The following MPPED2 variants were observed in gnomAD, a reference collection of about 807,000 sequenced individuals.
MPPED2 encodes the protein metallophosphoesterase domain containing 2.
In MPPED2, 5 loss-of-function variants were observed where a neutral mutation model predicts 33.0. The ratio of observed to expected loss-of-function variants is 0.15; its 90% CI spans 0.08 to 0.32. The LOEUF is 0.32. Ranked by LOEUF, MPPED2 falls within the 10% of genes least tolerant of loss-of-function variation. MPPED2 has a pLI of 1.00. For missense variants in MPPED2, 275 were observed against 372.1 expected (o/e 0.74, Z 2.15); for synonymous variants, 136 against 141.9 (o/e 0.96, Z 0.29).
intron 6 of MPPED2, among the ~76,000 whole-genome samples, chr11:30,392,132 CT>C: frequency 6.6e-6 from 1 of 152,340 alleles, no homozygotes; most frequent in East Asian, 1.9e-4. Flanking sequence ...TAACTTCCCA[CT>C]TGAGTTCAAA....
At chr11:30,434,061 C>T (rs972514507) in intron 4 of MPPED2, among the ~76,000 whole-genome samples, 9 of 152,142 alleles carry the variant, frequency 5.9e-5, no homozygotes, top group Non-Finnish European at 1.0e-4. Context: ...TCCAGCCTCC[C>T]GGTTGTGGGG....
intron 4 of MPPED2, among the ~76,000 whole-genome samples, chr11:30,494,373 A>C (rs1448296127): frequency 6.6e-6 from 1 of 152,148 alleles, no homozygotes; most frequent in Non-Finnish European, 1.5e-5. Flanking sequence ...CCAGTAACAT[A>C]AACATATACA....
intron 4 of MPPED2, among the ~76,000 whole-genome samples, chr11:30,472,142 C>T (rs1434136300): frequency 6.6e-6 from 1 of 152,116 alleles, no homozygotes; most frequent in Non-Finnish European, 1.5e-5. Context: ...GGCTGGAGGA[C>T]AGTTTCAGTC....
intron 2 of MPPED2, among the ~76,000 whole-genome samples, chr11:30,536,824 T>C (rs1475206134): frequency 6.6e-6 from 1 of 152,108 alleles, no homozygotes; most frequent in Non-Finnish European, 1.5e-5. Flanking sequence ...AAAAGAACTT[T>C]GTCAAACTCG....
intron 2 of MPPED2, among the ~76,000 whole-genome samples, chr11:30,541,332 A>G (rs1230474565): frequency 6.6e-6 from 1 of 152,162 alleles, no homozygotes; most frequent in East Asian, 1.9e-4. Flanking sequence ...GGCCATATTT[A>G]TTATTGTTTT....
intron 2 of MPPED2, among the ~76,000 whole-genome samples, chr11:30,571,476 C>T (rs1336836331): frequency 6.6e-6 from 1 of 151,712 alleles, no homozygotes; most frequent in South Asian, 2.1e-4. Flanking sequence ...GTACCTTTTA[C>T]ATTAAATAAC....
intron 4 of MPPED2, among the ~76,000 whole-genome samples, chr11:30,435,085 C>T (rs16920663): frequency 0.037 from 5,660 of 152,224 alleles, 353 homozygotes; most frequent in African/African-American, 0.13. Context: ...GCATAGTTTG[C>T]GAGTGCATTC....
chr11:30,417,305 A>C (rs1311678533), intron 5 of MPPED2, among the ~76,000 whole-genome samples: 1 of 152,192 alleles, frequency 6.6e-6, no homozygotes, highest in Non-Finnish European at 1.5e-5. Context: ...GACTTGACTA[A>C]ATCAAAAAAT....
At chr11:30,434,105 T>G (rs971800952) in intron 4 of MPPED2, among the ~76,000 whole-genome samples, 2 of 152,174 alleles carry the variant, frequency 1.3e-5, no homozygotes, top group Non-Finnish European at 2.9e-5. Context: ...TCTCCACTAA[T>G]CCAAGATAAT....
intron 2 of MPPED2, among the ~76,000 whole-genome samples, chr11:30,564,415 C>T (rs1956356921): frequency 6.6e-6 from 1 of 152,166 alleles, no homozygotes; most frequent in Non-Finnish European, 1.5e-5. Context: ...AGGTACTATA[C>T]TTAAAGCAGT....
At chr11:30,467,612 G>A (rs1298369451) in intron 4 of MPPED2, among the ~76,000 whole-genome samples, 7 of 152,050 alleles carry the variant, frequency 4.6e-5, no homozygotes, top group East Asian at 1.9e-4. Context: ...AGCCAAGGTC[G>A]AGTGAACCCC....
At chr11:30,491,016 C>CA (rs1427837593) in intron 4 of MPPED2, among the ~76,000 whole-genome samples, 1 of 152,062 alleles carries the variant, frequency 6.6e-6, no homozygotes, top group Non-Finnish European at 1.5e-5. Context: ...ATACTTCCTC[C>CA]AAAAAAGTCA....
intron 4 of MPPED2, among the ~76,000 whole-genome samples, chr11:30,452,390 C>G (rs932121731): frequency 1.3e-5 from 2 of 152,224 alleles, no homozygotes; most frequent in Non-Finnish European, 2.9e-5. Context: ...CCTGTGGCAC[C>G]CATACCTTCT....
intron 4 of MPPED2, among the ~76,000 whole-genome samples, chr11:30,474,714 G>C (rs1951102125): frequency 6.6e-6 from 1 of 151,818 alleles, no homozygotes; most frequent in South Asian, 2.1e-4. Flanking sequence ...CCAATAATAA[G>C]AAATAAGAAG....
chr11:30,447,869 C>A (rs2133933074), intron 4 of MPPED2, among the ~76,000 whole-genome samples: 1 of 152,250 alleles, frequency 6.6e-6, no homozygotes, highest in Non-Finnish European at 1.5e-5. Flanking sequence ...GTCACCCTAC[C>A]ATCCAGTACT....
chr11:30,386,775 A>G (rs535415362), exon 7 of MPPED2: 13 of 398,458 alleles, frequency 3.3e-5, no homozygotes, highest in Non-Finnish European at 5.8e-5. Context: ...CTGGGTGCAT[A>G]GTCCATGATT....
chr11:30,401,402 A>G (rs992928301), intron 6 of MPPED2, among the ~76,000 whole-genome samples: 25 of 152,308 alleles, frequency 1.6e-4, no homozygotes, highest in Admixed American at 1.6e-3. Flanking sequence ...TACCTGTTGC[A>G]TGGCTGAGAA....
At chr11:30,440,281 G>A (rs1348678445) in intron 4 of MPPED2, among the ~76,000 whole-genome samples, 1 of 151,916 alleles carries the variant, frequency 6.6e-6, no homozygotes, top group African/African-American at 2.4e-5. Context: ...AGTGAGCCGA[G>A]GTCGCGCCAC....
intron 4 of MPPED2, among the ~76,000 whole-genome samples, chr11:30,468,557 G>T (rs1950818434): frequency 6.6e-6 from 1 of 152,134 alleles, no homozygotes; most frequent in Non-Finnish European, 1.5e-5. Context: ...GTAAAAGGAG[G>T]AGAAGAGGTA....
Sources: allele counts gnomAD v4.1 joint callset (sites outside exome capture counted in the v4.1 genomes callset), GRCh38; gene constraint gnomAD v4.1.1; transcripts MANE v1.5; gene names NCBI Gene and HGNC (gene_info 2026-07-23, HGNC 2026-07-21).